Variants in PTK2 observed in about 807,000 individuals in gnomAD.
The protein encoded by PTK2 is focal adhesion kinase 1.
A neutral mutation model predicts 150.1 loss-of-function variants in PTK2; 45 were observed. The ratio of observed to expected loss-of-function variants is 0.30; its 90% CI spans 0.24 to 0.38. PTK2 has a LOEUF of 0.38. Among genes scored for constraint, PTK2 ranks in the 10% least tolerant of loss-of-function variants. The probability of loss-of-function intolerance (pLI) is 1.00; values close to 1 mark genes in which losing one functional copy is unlikely to be tolerated. For synonymous variants in PTK2, 432 were observed against 449.2 expected (o/e 0.96, Z 0.48); for missense variants, 919 against 1,307.3 (o/e 0.70, Z 4.58).
At chr8:140,981,810 T>C (rs533490028) in intron 1 of PTK2, among the ~76,000 whole-genome samples, 2 of 152,258 alleles carry the variant, frequency 1.3e-5, no homozygotes, top group South Asian at 4.2e-4. Flanking sequence ...ATGTTTACTG[T>C]CTAGCCCTTC....
At chr8:140,765,309 T>A (rs2100071708) in intron 14 of PTK2, 1 of 152,184 alleles carries the variant, frequency 6.6e-6, no homozygotes, top group African/African-American at 2.4e-5. Flanking sequence ...TGACGCCTTA[T>A]TACTGCATTC....
upstream of PTK2, among the ~76,000 whole-genome samples, chr8:141,001,716 G>T (rs2100200308): frequency 6.6e-6 from 1 of 152,136 alleles, no homozygotes. Context: ...CTGCGGCCCC[G>T]CCCCCAGAGT....
At chr8:140,913,418 C>T (rs184602340) in intron 2 of PTK2, among the ~76,000 whole-genome samples, 1,783 of 151,916 alleles carry the variant, frequency 0.012, 13 homozygotes, top group Non-Finnish European at 0.018. Context: ...GCCTCAGCCT[C>T]CTGAGTAGCT....
At chr8:140,738,196 T>C (rs1322447793) in intron 21 of PTK2, among the ~76,000 whole-genome samples, 1 of 151,808 alleles carries the variant, frequency 6.6e-6, no homozygotes, top group East Asian at 1.9e-4. Flanking sequence ...GTAGGAAAGG[T>C]AAAGAAAGGA....
intron 2 of PTK2, among the ~76,000 whole-genome samples, chr8:140,914,167 G>A (rs1035764627): frequency 6.6e-6 from 1 of 152,184 alleles, no homozygotes. Flanking sequence ...CTAAAATTAT[G>A]TGAGCTACGA....
chr8:140,812,455 G>T (rs544783310), intron 10 of PTK2, among the ~76,000 whole-genome samples: 1 of 152,190 alleles, frequency 6.6e-6, no homozygotes, highest in East Asian at 1.9e-4. Flanking sequence ...ACACAGACCA[G>T]TGACACTATA....
intron 25 of PTK2, 21 bp from the exon 29 acceptor site, chr8:140,701,043 A>T: frequency 1.9e-6 from 3 of 1,610,120 alleles, no homozygotes; most frequent in Non-Finnish European, 2.5e-6. Flanking sequence ...GGTTGAAAAC[A>T]GCATATTCAG....
intron 1 of PTK2, among the ~76,000 whole-genome samples, chr8:140,975,645 C>T (rs141059546): frequency 2.0e-5 from 3 of 152,124 alleles, no homozygotes; most frequent in Admixed American, 1.3e-4. Flanking sequence ...AGAGGAAATG[C>T]GATAGGCTGT....
At chr8:140,666,125 G>A (rs1456380189) in intron 30 of PTK2, among the ~76,000 whole-genome samples, 4 of 152,204 alleles carry the variant, frequency 2.6e-5, no homozygotes, top group Admixed American at 2.0e-4. Context: ...ATCACCTGAG[G>A]TCAGGAGTTT....
At chr8:140,946,706 A>G (rs2100177823) in intron 1 of PTK2, among the ~76,000 whole-genome samples, 1 of 152,044 alleles carries the variant, frequency 6.6e-6, no homozygotes, top group South Asian at 2.1e-4. Flanking sequence ...CACTCATACT[A>G]TGGCATTACT....
intron 14 of PTK2, among the ~76,000 whole-genome samples, chr8:140,775,245 G>T (rs140634080): frequency 6.6e-6 from 1 of 152,164 alleles, no homozygotes; most frequent in Non-Finnish European, 1.5e-5. Flanking sequence ...AGCACTAGGG[G>T]AGGCAGAGGT....
At chr8:140,818,676 G>A (rs572431688) in intron 9 of PTK2, among the ~76,000 whole-genome samples, 1 of 152,084 alleles carries the variant, frequency 6.6e-6, no homozygotes, top group East Asian at 1.9e-4. Flanking sequence ...ATGAAGCTAG[G>A]CATGCTGTTT....
chr8:140,663,154 A>G (rs2083252816), intron 31 of PTK2: 1 of 166,210 alleles, frequency 6.0e-6, no homozygotes, highest in African/African-American at 2.4e-5. Flanking sequence ...TGAGAAATAT[A>G]AATGGAAATC....
chr8:140,835,098 C>T (rs2100117920), intron 7 of PTK2, among the ~76,000 whole-genome samples: 1 of 152,208 alleles, frequency 6.6e-6, no homozygotes, highest in Non-Finnish European at 1.5e-5. Flanking sequence ...TCCCCACTCA[C>T]TGAGATGAAT....
rs145188860 is a variant in PTK2, at chr8:140,883,520, T to A, written c.196-3883A>T. 1.8e-4 allele frequency among the ~76,000 whole-genome samples: 27 copies of A among 152,342 alleles called. No individual in the cohort carries two copies. In the East Asian group the frequency reaches 3.7e-3, roughly 21 times the overall value. ...ACCAAATATAATCATCATTACTGAT[T>A]CTTCTATAGTATAGTGTTTCTTTTT... is the stretch of plus-strand genomic sequence containing the variant. On this transcript the variant is annotated intron_variant, in intron 3 of 31. Transcript: ENST00000522684.
chr8:140,685,104 T>A (rs1038356674), intron 27 of PTK2, among the ~76,000 whole-genome samples: 17 of 152,034 alleles, frequency 1.1e-4, no homozygotes, highest in Admixed American at 3.3e-4. Context: ...CCTACAACCA[T>A]CTCATCTTTG....
chr8:140,748,201 A>G (rs958025923), intron 17 of PTK2, among the ~76,000 whole-genome samples: 2 of 152,008 alleles, frequency 1.3e-5, no homozygotes, highest in Non-Finnish European at 2.9e-5. Flanking sequence ...AGGGCCCTAT[A>G]AAAGACTTTC....
At chr8:140,981,957 T>C (rs1443199941) in intron 1 of PTK2, among the ~76,000 whole-genome samples, 3 of 152,254 alleles carry the variant, frequency 2.0e-5, no homozygotes, top group African/African-American at 7.2e-5. Flanking sequence ...CCTTATATTT[T>C]ACACATATTC....
At chr8:140,810,130 T>C (rs10104843) in intron 10 of PTK2, among the ~76,000 whole-genome samples, 3,699 of 152,242 alleles carry the variant, frequency 0.024, 160 homozygotes, top group African/African-American at 0.086. Context: ...CTGCTCTCAC[T>C]ACAGGCCTCT....
Sources: allele counts gnomAD v4.1 joint callset (sites outside exome capture counted in the v4.1 genomes callset), GRCh38; gene constraint gnomAD v4.1.1; transcripts MANE v1.5; gene names NCBI Gene and HGNC (gene_info 2026-07-23, HGNC 2026-07-21).